Variants in ADGRD1 observed in about 807,000 individuals in gnomAD.
The protein encoded by ADGRD1 is adhesion G protein-coupled receptor D1.
In ADGRD1, 77 loss-of-function variants were observed where a neutral mutation model predicts 113.4. That is an observed-to-expected ratio of 0.68 (90% CI 0.57 to 0.82). The LOEUF (loss-of-function observed/expected upper bound fraction) is 0.82. Among genes scored for constraint, ADGRD1 ranks in the 40% least tolerant of loss-of-function variants. ADGRD1 has a pLI of 0.00. For synonymous variants in ADGRD1, 474 were observed against 475.0 expected, an observed-to-expected ratio of 1.00 and a Z score of 0.03; for missense variants, 1,036 against 1,139.1, an observed-to-expected ratio of 0.91 and a Z score of 1.30.
At chr12:130,963,200 G>A (rs1174507576) in intron 2 of ADGRD1, among the ~76,000 whole-genome samples, 1 of 151,598 alleles carries the variant, frequency 6.6e-6, no homozygotes, top group Non-Finnish European at 1.5e-5. Context: ...GGCGCCTGTA[G>A]TCCCAGCTAC....
At chr12:131,090,918 C>A (rs1340116118) in intron 15 of ADGRD1, among the ~76,000 whole-genome samples, 2 of 152,210 alleles carry the variant, frequency 1.3e-5, no homozygotes, top group Non-Finnish European at 2.9e-5. Context: ...CAGCCAGGGT[C>A]AAGAATGGGT....
chr12:131,039,862 T>C (rs1352109373), intron 13 of ADGRD1, among the ~76,000 whole-genome samples: 1 of 152,230 alleles, frequency 6.6e-6, no homozygotes, highest in Non-Finnish European at 1.5e-5. Context: ...AACCTGGAGT[T>C]CTATGTTCCC....
At chr12:131,036,513 G>C (rs1407268149) in intron 13 of ADGRD1, among the ~76,000 whole-genome samples, 2 of 149,858 alleles carry the variant, frequency 1.3e-5, no homozygotes, top group Non-Finnish European at 3.0e-5. Context: ...ACTGCACCGG[G>C]CCTCACTCAC....
chr12:131,109,122 T>C (rs969536363), intron 18 of ADGRD1, among the ~76,000 whole-genome samples: 7 of 152,180 alleles, frequency 4.6e-5, no homozygotes, highest in African/African-American at 1.7e-4. Flanking sequence ...CACTGGCTAA[T>C]CAAAGGCAAA....
rs1260614465 is a variant in ADGRD1, at chr12:131,084,188, G to A, written c.1548-352G>A. 3.3e-5 allele frequency among the ~76,000 whole-genome samples: 5 copies of A among 152,186 alleles called. No homozygotes were observed. The highest frequency in any genetic ancestry group is 2.1e-4 in the South Asian group (1 of 4,828). ...TGGTCCCTGGCGTGTGCCGCTGCCCGTTCTCTAGGCGCAGGGCTGTGGGCC... is the reference window on the plus strand; with the variant it reads ...TGGTCCCTGGCGTGTGCCGCTGCCCATTCTCTAGGCGCAGGGCTGTGGGCC... On this transcript the variant is annotated intron_variant, in intron 14 of 24. Coordinates refer to ENST00000261654, the MANE Select transcript of ADGRD1 (RefSeq NM_198827.5). This position sits in a 1 kb window ranked among gnomAD's most constrained non-coding sequence, Gnocchi z 4.5.
chr12:131,069,277 G>T (rs185287606), intron 13 of ADGRD1: 6 of 152,350 alleles, frequency 3.9e-5, no homozygotes, highest in Admixed American at 3.3e-4. Flanking sequence ...GACAGATAAA[G>T]ATCAGTGTAA....
chr12:131,017,654 CCCAACACAGATACA>C (rs1359732692), intron 13 of ADGRD1, among the ~76,000 whole-genome samples: 2 of 151,136 alleles, frequency 1.3e-5, no homozygotes, highest in South Asian at 2.1e-4. Flanking sequence ...CACAGACACA[CCCAACACAGATACA>C]CCAACACAGA....
At chr12:131,104,257 C>T (rs1593221487) in intron 15 of ADGRD1, among the ~76,000 whole-genome samples, 1 of 151,752 alleles carries the variant, frequency 6.6e-6, no homozygotes, top group East Asian at 1.9e-4. Flanking sequence ...CCAGCTCTTC[C>T]CTAGCACTAC....
Position 130,982,703 on chromosome 12 carries a change from G to T in ADGRD1, c.490+640G>T, listed in dbSNP as rs573485223. On this transcript the variant is annotated intron_variant, in intron 5 of 24. Transcript: ENST00000261654. ...TGGTCTTGGAGGAGGGAGGGGCCCTGGATGTGTGGGAAGAGAACAGGAGTC... is the reference window on the plus strand; with the variant it reads ...TGGTCTTGGAGGAGGGAGGGGCCCTTGATGTGTGGGAAGAGAACAGGAGTC... Among the ~76,000 whole-genome samples, 27 of 152,310 alleles carry T rather than the reference G, an allele frequency of 1.8e-4. No homozygotes were observed. In the East Asian group the frequency reaches 4.8e-3, roughly 27 times the overall value.
At chr12:131,042,679 C>G (rs1022595106) in intron 13 of ADGRD1, among the ~76,000 whole-genome samples, 1 of 152,240 alleles carries the variant, frequency 6.6e-6, no homozygotes, top group Non-Finnish European at 1.5e-5. Context: ...GGCGCTGCGG[C>G]TCTGTCTGTC....
At chr12:131,136,288 A>G (rs1566144423) in intron 22 of ADGRD1, 125 bp downstream of exon 22, 14 of 1,166,500 alleles carry the variant, frequency 1.2e-5, no homozygotes, top group East Asian at 7.7e-5. Context: ...GGAGCCTGTA[A>G]TGCGGGGCAT....
chr12:130,979,156 A>G (rs10219596), intron 4 of ADGRD1, among the ~76,000 whole-genome samples: 140,864 of 152,136 alleles, frequency 0.93, 66,056 homozygotes, highest in East Asian at 1. Flanking sequence ...CTTTTGCGGT[A>G]ACCCACATTA....
chr12:131,050,820 G>T lies in ADGRD1; in HGVS notation c.1474-25981G>T, dbSNP rs1883304461. On this transcript the variant is annotated intron_variant, in intron 13 of 24. Transcript: ENST00000261654. This position sits in a 1 kb window ranked among gnomAD's most constrained non-coding sequence, Gnocchi z 4.8. ...ATCAGGCACTAGACTCTCATGAGGA[G>T]CTTGAAACCTAGATACCTCACAAGC... Among the ~76,000 whole-genome samples, 1 of 152,124 alleles carries T rather than the reference G, an allele frequency of 6.6e-6. No individual in the cohort carries two copies. The highest frequency in any genetic ancestry group is 1.5e-5 in the Non-Finnish European group (1 of 68,024).
intron 13 of ADGRD1, among the ~76,000 whole-genome samples, chr12:131,039,088 C>A (rs1881843529): frequency 6.6e-6 from 1 of 152,234 alleles, no homozygotes; most frequent in Non-Finnish European, 1.5e-5. Context: ...CTGTCGAAGG[C>A]CCCGAGCTGT....
chr12:131,000,304 A>G lies in ADGRD1; in HGVS notation c.967-79A>G, dbSNP rs146919917. 1.1e-3 allele frequency: 1,176 copies of G among 1,047,670 alleles called. 3 individuals carry two copies. The highest frequency in any genetic ancestry group is 1.6e-3 in the Non-Finnish European group (1,095 of 665,954). The allele number at this position is 1,047,670 out of a possible 1,614,324, so 64.9% of individuals were successfully genotyped here. A position where few individuals can be genotyped will look rare whatever the true frequency, so the allele number is the denominator to read the frequency against. ...TGGTGGTTGATAGAGACCCATTGGA[A>G]GATGCGGGGAAAACTGAAGGTCTTC... On this transcript the variant is annotated intron_variant, in intron 8 of 24. Transcript: ENST00000261654.
At chr12:131,088,441 T>C (rs1886653466) in intron 15 of ADGRD1, among the ~76,000 whole-genome samples, 5 of 152,158 alleles carry the variant, frequency 3.3e-5, no homozygotes, top group Admixed American at 3.3e-4. Context: ...GCAGTCCTGG[T>C]GATGCCGGAG....
At position 130,971,608 on chromosome 12, in the gene ADGRD1, T is replaced by C; in HGVS notation, c.310+28T>C. ...GAGTGGCTGATCCCTGCGGCATCTT[T>C]GTCAAGCATTTCATTCTCAGGGAGC... On this transcript the variant is annotated intron_variant, in intron 4 of 24. Coordinates refer to ENST00000261654, the MANE Select transcript of ADGRD1 (RefSeq NM_198827.5). The surrounding 1 kb of genome is among the most constrained non-coding windows in gnomAD (Gnocchi z 4.2). 1 of 1,577,838 alleles carries C rather than the reference T, an allele frequency of 6.3e-7. No homozygotes were observed. The highest frequency in any genetic ancestry group is 8.6e-7 in the Non-Finnish European group (1 of 1,161,910).
intron 13 of ADGRD1, among the ~76,000 whole-genome samples, chr12:131,059,564 C>T (rs1183586856): frequency 6.6e-6 from 1 of 152,186 alleles, no homozygotes; most frequent in Non-Finnish European, 1.5e-5. Context: ...GGTTGAGGAT[C>T]CCTAATCTGA....
chr12:131,004,138 C>A, intron 10 of ADGRD1, 48 bp from the exon 11 acceptor site: 1 of 1,191,386 alleles, frequency 8.4e-7, no homozygotes, highest in Non-Finnish European at 1.3e-6. Context: ...TTTCCTGCAG[C>A]CTGTGAGCTC....
Sources: allele counts gnomAD v4.1 joint callset (sites outside exome capture counted in the v4.1 genomes callset), GRCh38; gene constraint gnomAD v4.1.1; non-coding constraint Gnocchi (gnomAD v3.1); transcripts MANE v1.5; gene names NCBI Gene and HGNC (gene_info 2026-07-23, HGNC 2026-07-21).